Variants in ZNF618 observed in about 807,000 individuals in gnomAD.
ZNF618 encodes neural precursor cell expressed, developmentally down-regulated 10.
ZNF618 carries 34 observed loss-of-function variants against 103.0 expected under a neutral mutation model. The ratio of observed to expected loss-of-function variants is 0.33; its 90% confidence interval spans 0.25 to 0.44. The LOEUF is 0.44. Among genes scored for constraint, ZNF618 ranks in the 20% least tolerant of loss-of-function variants. The pLI, the probability that ZNF618 is intolerant of heterozygous loss-of-function variation, is 1.00. For missense variants in ZNF618, 1,059 were observed against 1,295.4 expected, an observed-to-expected ratio of 0.82 and a Z score of 2.80; for synonymous variants, 551 against 542.2, an observed-to-expected ratio of 1.02 and a Z score of -0.23.
At chr9:113,982,645 CAGAG>C (rs1263077653) in intron 2 of ZNF618, among the ~76,000 whole-genome samples, 1 of 152,192 alleles carries the variant, frequency 6.6e-6, no homozygotes, top group Non-Finnish European at 1.5e-5. Context: ...CACCCCACCA[CAGAG>C]AGAAAGAGGC....
At chr9:113,899,992 GA>G (rs1289487924) in intron 1 of ZNF618, among the ~76,000 whole-genome samples, 2 of 152,150 alleles carry the variant, frequency 1.3e-5, no homozygotes, top group Non-Finnish European at 2.9e-5. Context: ...TATGTACCTA[GA>G]AATGGAATTG....
intron 5 of ZNF618, 146 bp from the exon 6 acceptor site, chr9:114,002,478 G>C: frequency 2.4e-6 from 2 of 820,448 alleles, no homozygotes; most frequent in African/African-American, 1.7e-5. Context: ...GAGCCTGGCA[G>C]ACAGGGAGGA....
In ZNF618 at chr9:114,029,848, TA is replaced by T. The variant is rs1469571733; in HGVS notation, c.1084+881del. Among the ~76,000 whole-genome samples the T allele has an allele frequency of 2.6e-5, 4 of 151,978 alleles. No homozygotes were observed. In the East Asian group the frequency reaches 5.8e-4, roughly 22 times the overall value. On this transcript the variant is annotated intron_variant, in intron 11 of 14. Coordinates refer to ENST00000374126, the MANE Select transcript of ZNF618 (RefSeq NM_001318042.2). ...TGGCTCCAGAGGGGTAAACAGACAA[TA>T]AAAAGTTCCGAGAAGTTATTTCCTC...
At chr9:114,011,507 G>T (rs1564295097) in intron 9 of ZNF618, among the ~76,000 whole-genome samples, 2 of 152,230 alleles carry the variant, frequency 1.3e-5, no homozygotes, top group African/African-American at 4.8e-5. Context: ...GAGATTGCTG[G>T]TGTGGTGTGA....
chr9:113,886,166 G>T (rs1430726241), intron 1 of ZNF618, among the ~76,000 whole-genome samples: 1 of 152,208 alleles, frequency 6.6e-6, no homozygotes, highest in Non-Finnish European at 1.5e-5. Flanking sequence ...CTCGCAGTTT[G>T]CTGGTAGCAC....
Position 114,054,046 on chromosome 9 carries a change from A to G in ZNF618, c.*3879A>G, listed in dbSNP as rs1157104529. 6.6e-6 allele frequency: 1 copy of G among 152,628 alleles called. No individual in the cohort carries two copies. The highest frequency in any genetic ancestry group is 6.5e-5 in the Admixed American group (1 of 15,290). 9.5% of individuals were successfully genotyped at this position (152,628 alleles called of 1,614,324 possible). On this transcript the variant is annotated 3_prime_UTR_variant, in exon 15 of 15. Coordinates refer to ENST00000374126, the MANE Select transcript of ZNF618 (RefSeq NM_001318042.2). ...GATTCAAGGAAGCCACCAGGTGTGC[A>G]GGCTGGGAAGAGACATCTCTTTCAG...
At chr9:113,912,800 AC>A (rs1179780326) in intron 1 of ZNF618, among the ~76,000 whole-genome samples, 2 of 151,354 alleles carry the variant, frequency 1.3e-5, no homozygotes, top group African/African-American at 4.9e-5. Context: ...GACAGATCCC[AC>A]CCCCCTTGGC....
intron 2 of ZNF618, among the ~76,000 whole-genome samples, chr9:113,986,877 C>G (rs1839537911): frequency 6.6e-6 from 1 of 152,164 alleles, no homozygotes; most frequent in Non-Finnish European, 1.5e-5. Flanking sequence ...TGATTAAACC[C>G]ATGCTCCTGT....
chr9:114,028,194 T>G (rs889415571), intron 10 of ZNF618: 1 of 155,016 alleles, frequency 6.5e-6, no homozygotes, highest in African/African-American at 2.4e-5. Context: ...CTGCTACACT[T>G]ATTTCAATTA....
chr9:113,917,946 GACCTATTCAC>G (rs2131585106), intron 1 of ZNF618, among the ~76,000 whole-genome samples: 1 of 152,142 alleles, frequency 6.6e-6, no homozygotes, highest in African/African-American at 2.4e-5. Flanking sequence ...CTAACCTGTA[GACCTATTCAC>G]ATTTCACCAA....
intron 2 of ZNF618, among the ~76,000 whole-genome samples, chr9:113,971,472 A>G (rs1055224112): frequency 1.3e-5 from 2 of 151,934 alleles, no homozygotes; most frequent in African/African-American, 4.8e-5. Flanking sequence ...TATGCTGTGA[A>G]CTCAGGCTGG....
At chr9:114,038,558 A>G (rs1844839097) in intron 13 of ZNF618, among the ~76,000 whole-genome samples, 1 of 152,212 alleles carries the variant, frequency 6.6e-6, no homozygotes, top group African/African-American at 2.4e-5. Context: ...ATCAGCCTTG[A>G]ATAACACCAA....
intron 1 of ZNF618, among the ~76,000 whole-genome samples, chr9:113,902,570 G>A (rs1830660117): frequency 6.6e-6 from 1 of 152,088 alleles, no homozygotes; most frequent in Non-Finnish European, 1.5e-5. Context: ...TGTTTTGTGT[G>A]CATGCTTTAA....
At chr9:114,031,303 C>G (rs1197108814) in intron 11 of ZNF618, among the ~76,000 whole-genome samples, 1 of 152,088 alleles carries the variant, frequency 6.6e-6, no homozygotes, top group South Asian at 2.1e-4. Context: ...CTCCCTGGGA[C>G]TCTCAGCCCA....
intron 13 of ZNF618, among the ~76,000 whole-genome samples, chr9:114,040,009 C>A (rs1160739708): frequency 6.6e-6 from 1 of 151,058 alleles, no homozygotes; most frequent in Non-Finnish European, 1.5e-5. Context: ...ATAAATCAAG[C>A]CTTTCACAGA....
At chr9:113,985,131 T>C (rs571327743) in intron 2 of ZNF618, among the ~76,000 whole-genome samples, 3 of 152,360 alleles carry the variant, frequency 2.0e-5, no homozygotes, top group Admixed American at 2.0e-4. Flanking sequence ...CTCACAGCAC[T>C]GTGGGGTAGG....
chr9:113,911,454 G>C (rs150904691), intron 1 of ZNF618, among the ~76,000 whole-genome samples: 170 of 151,932 alleles, frequency 1.1e-3, no homozygotes, highest in Non-Finnish European at 1.9e-3. Context: ...TTAGCCTCCC[G>C]AGTAGCTGGG....
intron 4 of ZNF618, among the ~76,000 whole-genome samples, chr9:113,999,453 A>T (rs1447783847): frequency 1.3e-5 from 2 of 151,950 alleles, no homozygotes; most frequent in East Asian, 3.9e-4. Context: ...CAGTCCAGAG[A>T]CTCCGTGTGC....
intron 1 of ZNF618, among the ~76,000 whole-genome samples, chr9:113,929,121 G>A (rs941395563): frequency 6.6e-6 from 1 of 152,178 alleles, no homozygotes; most frequent in East Asian, 1.9e-4. Context: ...TGGGATTATT[G>A]TCTAATCTCC....
Sources: allele counts gnomAD v4.1 joint callset (sites outside exome capture counted in the v4.1 genomes callset), GRCh38; gene constraint gnomAD v4.1.1; transcripts MANE v1.5; gene names NCBI Gene and HGNC (gene_info 2026-07-23, HGNC 2026-07-21).